KRT75: variants seen among roughly 807,000 people sequenced by gnomAD.
KRT75 encodes keratin, type II cytoskeletal 75.
KRT75 carries 35 observed loss-of-function variants against 48.8 expected under a neutral mutation model. The ratio of observed to expected loss-of-function variants is 0.72; its 90% CI spans 0.55 to 0.95. KRT75 has a LOEUF of 0.95. KRT75 is among the 40% of genes least tolerant of loss of function. KRT75 has a pLI of 0.00. For synonymous variants in KRT75, 301 were observed against 282.3 expected (o/e 1.07, Z -0.66); for missense variants, 776 against 709.9 (o/e 1.09, Z -1.06).
Position 52,424,707 on chromosome 12 carries a change from A to G in KRT75, c.1466T>C (p.Ile489Thr). Residue 489 changes from isoleucine to threonine, a missense_variant, in exon 9 of 9, where the codon ATT becomes ACT. Ile to Thr is a moderately conservative substitution (Grantham distance 89). Coordinates refer to ENST00000252245, the MANE Select transcript of KRT75 (RefSeq NM_004693.3). ...LSSGYGSGSS[I>T]GGGNLGLGGG... is the part of the protein sequence containing the mutation. The stretch of plus-strand genomic sequence containing the variant: ...ACCGAGGCCCAGGTTTCCACCTCCA[A>G]TGCTGCTGCCGCTTCCATAGCCACT... 6.2e-7 allele frequency: 1 copy of G among 1,613,984 alleles called. No individual in the cohort carries two copies.
chr12:52,433,807 C>T lies in KRT75; in HGVS notation c.498G>A (p.Lys166=), dbSNP rs1353358933. Residue 166 remains lysine (K), a splice_region_variant and synonymous_variant, in exon 1 of 9, where the codon AAG becomes AAA. Transcript: ENST00000252245. Reference sequence around the variant, plus strand: ...GGGGGTGGATGAAGCCCCTGCTTACCTTGTCGATGAAGGAGGCGAACTTAT... The same window carrying T: ...GGGGGTGGATGAAGCCCCTGCTTACTTTGTCGATGAAGGAGGCGAACTTAT... ...LNNKFASFID[K]VRFLEQQNKV... 1 of 1,614,128 alleles carries T rather than the reference C, an allele frequency of 6.2e-7. No individual in the cohort carries two copies. The highest frequency in any genetic ancestry group is 1.1e-5 in the South Asian group (1 of 91,076).
Position 52,433,232 on chromosome 12 carries a change from C to T in KRT75, c.519G>A (p.Gln173=), listed in dbSNP as rs1347096971. The T allele has an allele frequency of 3.7e-5, 60 of 1,613,928 alleles. No homozygotes were observed. Among genetic ancestry groups the T allele is most frequent in the Non-Finnish European group, 4.8e-5 (57 of 1,180,014 alleles). ...CCCACTTGGTCTCCAGGACCTTGTT[C>T]TGCTGCTCCAAGAACCTCACCTGGA... ...FIDKVRFLEQ[Q]NKVLETKWAL... Residue 173 remains glutamine, a synonymous_variant, in exon 2 of 9, where the codon CAG becomes CAA. Transcript: ENST00000252245.
In KRT75 at chr12:52,433,823, G is replaced by T; in HGVS notation, c.482C>A (p.Ala161Asp). The change falls in exon 1 of 9, where the codon GCC (alanine) becomes GAC (aspartate). Residue 161 changes from alanine (A) to aspartate (D), a missense_variant. Transcript: ENST00000252245. ...EQIKTLNNKFASFIDKVRFLE... is the reference protein window; with the variant it reads ...EQIKTLNNKFDSFIDKVRFLE... ...CCTGCTTACCTTGTCGATGAAGGAG[G>T]CGAACTTATTGTTGAGGGTCTTGAT... The T allele has an allele frequency of 6.2e-7, 1 of 1,614,174 alleles. No individual in the cohort carries two copies.
At position 52,428,397 on chromosome 12, in the gene KRT75, A is replaced by G; in HGVS notation, c.1241T>C (p.Val414Ala). 6.2e-7 allele frequency: 1 copy of G among 1,614,164 alleles called. No homozygotes were observed. ...CTTCTGCAGGGCCTCCTCAAGGTCC[A>G]CCAGCTTGGCCCGTGCATCCTTGAG... ...LALKDARAKLVDLEEALQKAK... is the reference protein window; with the variant it reads ...LALKDARAKLADLEEALQKAK... Residue 414 changes from valine to alanine, a missense_variant, in exon 7 of 9, where the codon GTG becomes GCG. Val to Ala is a moderately conservative substitution (Grantham distance 64, BLOSUM62 0). Coordinates refer to ENST00000252245, the MANE Select transcript of KRT75 (RefSeq NM_004693.3).
chr12:52,430,090 G>A (rs982729320), intron 5 of KRT75, among the ~76,000 whole-genome samples: 2 of 152,132 alleles, frequency 1.3e-5, no homozygotes, highest in Non-Finnish European at 1.5e-5. Flanking sequence ...TTTTATTCAT[G>A]CTATCTTTTC....
chr12:52,424,732 T>C lies in KRT75; in HGVS notation c.1441A>G (p.Ser481Gly). Reference protein sequence around the residue: ...NISVVTSTLSSGYGSGSSIGG... With the variant: ...NISVVTSTLSGGYGSGSSIGG... ...ATGCTGCTGCCGCTTCCATAGCCAC[T>C]GGAAAGAGTAGAGGTGACCACAGCT... The change falls in exon 9 of 9, where the codon AGT becomes GGT. Residue 481 changes from serine (S) to glycine (G), a missense_variant. By Grantham distance (56) the Ser-to-Gly change is moderately conservative. Transcript: ENST00000252245. 1 of 1,613,540 alleles carries C rather than the reference T, an allele frequency of 6.2e-7. No homozygotes were observed. The highest frequency in any genetic ancestry group is 8.5e-7 in the Non-Finnish European group (1 of 1,179,764).
chr12:52,431,954 A>C, intron 3 of KRT75, 52 bp downstream of exon 3: 1 of 1,578,002 alleles, frequency 6.3e-7, no homozygotes, highest in Non-Finnish European at 8.7e-7. Flanking sequence ...GTTACCCCAC[A>C]CTCCAGATTC....
intron 5 of KRT75, 59 bp from the exon 6 acceptor site, chr12:52,428,802 G>A (rs1179191050): frequency 6.2e-7 from 1 of 1,611,316 alleles, no homozygotes; most frequent in Non-Finnish European, 8.5e-7. Context: ...GGCACTCGCT[G>A]TGCACACAGA....
intron 8 of KRT75, among the ~76,000 whole-genome samples, chr12:52,425,201 G>A (rs890513841): frequency 1.3e-5 from 2 of 152,148 alleles, no homozygotes; most frequent in African/African-American, 4.8e-5. Context: ...ATTCTTGATG[G>A]ATCAAGTGAC....
chr12:52,432,115 CT>C (rs759370544), intron 2 of KRT75, 49 bp from the exon 3 acceptor site: 1 of 1,588,526 alleles, frequency 6.3e-7, no homozygotes, highest in South Asian at 1.1e-5. Flanking sequence ...CTGCATTGAA[CT>C]CTTTCCAGGC....
rs927604376 is a variant in KRT75, at chr12:52,432,070, T to C, written c.714-4A>G. 1.7e-5 allele frequency: 28 copies of C among 1,614,050 alleles called. No homozygotes were observed. Among genetic ancestry groups the C allele is most frequent in the Non-Finnish European group, 2.2e-5 (26 of 1,180,030 alleles). On this transcript the variant is annotated splice_region_variant and splice_polypyrimidine_tract_variant and intron_variant, in intron 2 of 8. Coordinates refer to ENST00000252245, the MANE Select transcript of KRT75 (RefSeq NM_004693.3). The stretch of plus-strand genomic sequence containing the variant: ...CTTGTTAATTTCATCTTCGTACCTA[T>C]AAGGACAGAGCGGGGGGTGTGCTGT...
At position 52,431,528 on chromosome 12, in the gene KRT75, C is replaced by T. The variant is rs1240895232; in HGVS notation, c.870+15G>A. On this transcript the variant is annotated intron_variant, in intron 4 of 8. Coordinates refer to ENST00000252245, the MANE Select transcript of KRT75 (RefSeq NM_004693.3). The stretch of plus-strand genomic sequence containing the variant: ...TCCAGACCTAGGAGAGACAGAAATA[C>T]TTGCAGACTCTTACTGCATCAAAGA... 1 of 1,557,074 alleles carries T rather than the reference C, an allele frequency of 6.4e-7. No homozygotes were observed. The highest frequency in any genetic ancestry group is 2.2e-5 in the East Asian group (1 of 44,606).
chr12:52,429,550 G>A (rs1475077495), intron 5 of KRT75, among the ~76,000 whole-genome samples: 1 of 152,150 alleles, frequency 6.6e-6, no homozygotes, highest in Non-Finnish European at 1.5e-5. Context: ...TGAAAGTGCT[G>A]AATAGCTCAG....
intron 4 of KRT75, 52 bp from the exon 5 acceptor site, chr12:52,430,757 A>G (rs748594766): frequency 1.2e-5 from 19 of 1,601,812 alleles, no homozygotes; most frequent in Admixed American, 5.0e-5. Flanking sequence ...AGAATCTTAA[A>G]TCTTCGTGGT....
At chr12:52,426,727 G>A (rs754671429) in intron 8 of KRT75, 90 bp downstream of exon 8, 43 of 1,299,650 alleles carry the variant, frequency 3.3e-5, no homozygotes, top group Non-Finnish European at 4.3e-5. Context: ...CGTCTAACCC[G>A]TCATATCTTC....
chr12:52,431,789 G>T, intron 3 of KRT75, 151 bp from the exon 4 acceptor site: 1 of 777,268 alleles, frequency 1.3e-6, no homozygotes. Context: ...GGTAATTACG[G>T]AGAACTGGGG....
chr12:52,426,684 A>G lies in KRT75; in HGVS notation c.1417+133T>C, dbSNP rs1592162170. 2 of 948,584 alleles carry G rather than the reference A, an allele frequency of 2.1e-6. 1 individual carries two copies. Among genetic ancestry groups the G allele is most frequent in the South Asian group, 2.6e-5 (2 of 76,566 alleles). 58.8% of individuals were successfully genotyped at this position (948,584 alleles called of 1,614,324 possible). A position where few individuals can be genotyped will look rare whatever the true frequency, so the allele number is the denominator to read the frequency against. On this transcript the variant is annotated intron_variant, in intron 8 of 8. Transcript: ENST00000252245. ...CTTTTTAAGGGACCCAAAACCTCAAACCTTCTCCAAATGAACGCTGTCTGT... is the reference window on the plus strand; with the variant it reads ...CTTTTTAAGGGACCCAAAACCTCAAGCCTTCTCCAAATGAACGCTGTCTGT...
Position 52,432,063 on chromosome 12 carries a change from G to A in KRT75, c.717C>T (p.Tyr239=), listed in dbSNP as rs770843709. Residue 239 remains tyrosine, a synonymous_variant, in exon 3 of 9, where the codon TAC becomes TAT. Coordinates refer to ENST00000252245, the MANE Select transcript of KRT75 (RefSeq NM_004693.3). ...CTGTGCGCTTGTTAATTTCATCTTC[G>A]TACCTATAAGGACAGAGCGGGGGGT... ...QDVVEDFKVR[Y]EDEINKRTAA... The A allele has an allele frequency of 1.3e-5, 21 of 1,614,038 alleles. No homozygotes were observed. The highest frequency in any genetic ancestry group is 3.3e-4 in the Middle Eastern group (2 of 6,060).
chr12:52,431,450 C>A, intron 4 of KRT75, 93 bp downstream of exon 4: 1 of 977,478 alleles, frequency 1.0e-6, no homozygotes, highest in Non-Finnish European at 1.7e-6. Flanking sequence ...AGATGCTGGG[C>A]AGAGGCACTG....
Sources: allele counts gnomAD v4.1 joint callset (sites outside exome capture counted in the v4.1 genomes callset), GRCh38; gene constraint gnomAD v4.1.1; transcripts MANE v1.5; gene names NCBI Gene and HGNC (gene_info 2026-07-23, HGNC 2026-07-21).